Variants in C21orf58 observed in about 807,000 individuals in gnomAD.
C21orf58 encodes the protein uncharacterized protein C21orf58.
A neutral mutation model predicts 35.8 loss-of-function variants in C21orf58; 34 were observed. The observed-to-expected ratio is 0.95, with a 90% CI of 0.72 to 1.26. The LOEUF (loss-of-function observed/expected upper bound fraction) is 1.26, where lower values mean the gene tolerates loss of function less well. Ranked by LOEUF, C21orf58 falls within the 50% of genes most tolerant of loss-of-function variation. The probability of loss-of-function intolerance (pLI) is 0.00; values close to 1 mark genes in which losing one functional copy is unlikely to be tolerated. For synonymous variants in C21orf58, 191 were observed against 175.8 expected, an observed-to-expected ratio of 1.09 and a Z score of -0.68; for missense variants, 440 against 414.3, an observed-to-expected ratio of 1.06 and a Z score of -0.54.
In C21orf58 at chr21:46,313,133, T is replaced by C; in HGVS notation, c.610-1566A>G. 3.4e-6 allele frequency: 3 copies of C among 888,690 alleles called. No homozygotes were observed. The South Asian group carries it at 1.6e-4, about 46-fold the overall frequency. The allele number at this position is 888,690 out of a possible 1,614,324, so 55.1% of individuals were successfully genotyped here. ...TTCCAAAGCAGGACACACCGTCAGC[T>C]CTTGAGTTGGCCATTGCAGCATGAA... On this transcript the variant is annotated intron_variant, in intron 5 of 7. Coordinates refer to ENST00000291691, the MANE Select transcript of C21orf58 (RefSeq NM_058180.5).
intron 3 of C21orf58, 58 bp from the exon 4 acceptor site, chr21:46,315,605 A>G (rs536435946): frequency 1.8e-6 from 2 of 1,137,476 alleles, no homozygotes; most frequent in East Asian, 2.4e-5. Context: ...CGCTGCAAGC[A>G]CTCGGACTGG....
intron 3 of C21orf58, among the ~76,000 whole-genome samples, chr21:46,316,407 G>C (rs1398587816): frequency 2.0e-5 from 3 of 152,188 alleles, no homozygotes; most frequent in Non-Finnish European, 4.4e-5. Flanking sequence ...AGTGATCTGA[G>C]ATTGCACCAC....
At chr21:46,315,352 G>T (rs1569133662) in intron 4 of C21orf58, 122 bp downstream of exon 4, 3 of 694,466 alleles carry the variant, frequency 4.3e-6, no homozygotes, top group Non-Finnish European at 5.2e-6. Context: ...CCTTGCTGGG[G>T]CCTGGCCCTG....
chr21:46,315,962 C>T (rs1373163413), intron 3 of C21orf58, among the ~76,000 whole-genome samples: 1 of 152,136 alleles, frequency 6.6e-6, no homozygotes, highest in Non-Finnish European at 1.5e-5. Context: ...AGAGTCTGGT[C>T]TGATCCCCAA....
rs112899928 is a variant in C21orf58, at chr21:46,302,092, G to GTGGTGT, written c.875_876insACACCA (p.Val291_His292insGlnHis). 6.5e-7 allele frequency: 1 copy of GTGGTGT among 1,533,364 alleles called. No individual in the cohort carries two copies. The highest frequency in any genetic ancestry group is 1.2e-5 in the South Asian group (1 of 82,938). The allele number at this position is 1,533,364 out of a possible 1,614,324, so 95.0% of individuals were successfully genotyped here. ...CAGCATGGTGGTGGTGGTGGTGGTGGTGCACGGCAGGCAGCCTTGGCCTGG... is the reference window on the plus strand; with the variant it reads ...CAGCATGGTGGTGGTGGTGGTGGTGGTGGTGTTGCACGGCAGGCAGCCTTGGCCTGG... On this transcript the variant is annotated inframe_insertion, in exon 8 of 8. Transcript: ENST00000291691.
At chr21:46,318,905 C>G (rs1435644211) in intron 1 of C21orf58, 2 of 969,292 alleles carry the variant, frequency 2.1e-6, no homozygotes, top group Non-Finnish European at 2.5e-6. Context: ...ATGAGTTAGT[C>G]AATCCCACTA....
chr21:46,320,748 C>T (rs1163967108), intron 1 of C21orf58: 1 of 152,226 alleles, frequency 6.6e-6, no homozygotes, highest in Admixed American at 6.5e-5. Context: ...CTGCTGCAGG[C>T]TCTGCCCACA....
At position 46,311,864 on chromosome 21, in the gene C21orf58, C is replaced by T. The variant is rs1304475446; in HGVS notation, c.610-297G>A. On this transcript the variant is annotated intron_variant, in intron 5 of 7. Coordinates refer to ENST00000291691, the MANE Select transcript of C21orf58 (RefSeq NM_058180.5). Reference sequence around the variant, plus strand: ...CCACCCACCCATCTATCCACCTACCCATCCATCCAACCAGCCAACCATCCA... The same window carrying T: ...CCACCCACCCATCTATCCACCTACCTATCCATCCAACCAGCCAACCATCCA... 3.3e-5 allele frequency among the ~76,000 whole-genome samples: 5 copies of T among 151,524 alleles called. No homozygotes were observed. In the East Asian group the frequency reaches 9.7e-4, roughly 30 times the overall value.
intron 5 of C21orf58, among the ~76,000 whole-genome samples, chr21:46,312,814 C>G (rs1181958429): frequency 6.6e-6 from 1 of 152,204 alleles, no homozygotes; most frequent in Non-Finnish European, 1.5e-5. Context: ...AACAGGCGTT[C>G]TCAATTCTGT....
At chr21:46,310,244 A>G (rs2082615592) in intron 6 of C21orf58, among the ~76,000 whole-genome samples, 1 of 151,968 alleles carries the variant, frequency 6.6e-6, no homozygotes, top group African/African-American at 2.4e-5. Context: ...TGGGAGGCCA[A>G]GGCGGGTGGA....
At chr21:46,310,935 C>G (rs1046913859) in intron 6 of C21orf58, among the ~76,000 whole-genome samples, 1 of 151,872 alleles carries the variant, frequency 6.6e-6, no homozygotes, top group Non-Finnish European at 1.5e-5. Context: ...GTTGTGCATT[C>G]TTGGCTCACA....
Position 46,301,562 on chromosome 21 carries a change from G to T in C21orf58, c.*437C>A, listed in dbSNP as rs939617173. ...ACACTTCCATGTGGCTAAAGCTATT[G>T]ATCTTTTCTGTTCTGGCTCCTGAGC... On this transcript the variant is annotated 3_prime_UTR_variant, in exon 8 of 8. Transcript: ENST00000291691. 8 of 991,920 alleles carry T rather than the reference G, an allele frequency of 8.1e-6. No individual in the cohort carries two copies. Among genetic ancestry groups the T allele is most frequent in the Non-Finnish European group, 8.4e-6 (7 of 834,506 alleles). 61.4% of individuals were successfully genotyped at this position (991,920 alleles called of 1,614,324 possible).
At chr21:46,307,932 A>T (rs1265478419) in intron 6 of C21orf58, among the ~76,000 whole-genome samples, 1 of 152,092 alleles carries the variant, frequency 6.6e-6, no homozygotes, top group Non-Finnish European at 1.5e-5. Flanking sequence ...AATAACTAGA[A>T]CTCACAAACA....
intron 6 of C21orf58, among the ~76,000 whole-genome samples, chr21:46,303,732 TA>T (rs1569116305): frequency 3.1e-3 from 98 of 31,652 alleles, no homozygotes; most frequent in Non-Finnish European, 4.6e-3. Flanking sequence ...TATATATATA[TA>T]TATATATATA....
intron 6 of C21orf58, among the ~76,000 whole-genome samples, chr21:46,307,164 G>A (rs1282731282): frequency 2.0e-5 from 3 of 151,940 alleles, no homozygotes; most frequent in Admixed American, 6.6e-5. Context: ...CCAAAGTGCT[G>A]GGATTACAGG....
At chr21:46,309,824 G>A (rs542031548) in intron 6 of C21orf58, among the ~76,000 whole-genome samples, 5 of 151,434 alleles carry the variant, frequency 3.3e-5, no homozygotes, top group South Asian at 2.1e-4. Flanking sequence ...GTGAAACCCC[G>A]TCTCTATTAA....
At chr21:46,305,285 G>A (rs2082359915) in intron 6 of C21orf58, among the ~76,000 whole-genome samples, 1 of 149,740 alleles carries the variant, frequency 6.7e-6, no homozygotes, top group Non-Finnish European at 1.5e-5. Flanking sequence ...GGTCACAATG[G>A]TAAAGTTACA....
intron 6 of C21orf58, among the ~76,000 whole-genome samples, chr21:46,303,984 C>T (rs1272062612): frequency 7.0e-6 from 1 of 141,908 alleles, no homozygotes; most frequent in East Asian, 2.1e-4. Context: ...ATCTCCTGAC[C>T]TCATGATCCA....
chr21:46,302,235 T>C, intron 7 of C21orf58, 81 bp from the exon 8 acceptor site: 1 of 1,432,236 alleles, frequency 7.0e-7, no homozygotes, highest in Non-Finnish European at 9.1e-7. Flanking sequence ...TAACTGGGGC[T>C]GGATCCCATG....
Sources: allele counts gnomAD v4.1 joint callset (sites outside exome capture counted in the v4.1 genomes callset), GRCh38; gene constraint gnomAD v4.1.1; transcripts MANE v1.5; gene names NCBI Gene and HGNC (gene_info 2026-07-23, HGNC 2026-07-21).